Variants in CDK14 observed in about 807,000 individuals in gnomAD.
CDK14 encodes cyclin-dependent kinase 14.
Under a neutral mutation model 60.7 loss-of-function variants are expected in CDK14, and 34 were observed. The observed-to-expected ratio is 0.56, with a 90% CI of 0.43 to 0.75. CDK14 has a LOEUF of 0.75. CDK14 is among the 30% of genes least tolerant of loss of function. CDK14 has a pLI of 0.00. For missense variants in CDK14, 482 were observed against 564.1 expected, an observed-to-expected ratio of 0.85 and a Z score of 1.47; for synonymous variants, 197 against 203.7, an observed-to-expected ratio of 0.97 and a Z score of 0.28.
intron 9 of CDK14, among the ~76,000 whole-genome samples, chr7:90,978,961 T>G (rs1795151545): frequency 6.6e-6 from 1 of 152,176 alleles, no homozygotes; most frequent in Admixed American, 6.5e-5. Context: ...ATTATTGTGT[T>G]TTTTTGCAAG....
intron 2 of CDK14, among the ~76,000 whole-genome samples, chr7:90,606,853 T>C (rs563673108): frequency 2.0e-5 from 3 of 152,326 alleles, no homozygotes; most frequent in African/African-American, 7.2e-5. Context: ...TTTCTAGTTA[T>C]TTGGGCAGGT....
intron 12 of CDK14, among the ~76,000 whole-genome samples, chr7:91,097,666 G>A (rs528034638): frequency 2.0e-4 from 30 of 152,088 alleles, no homozygotes; most frequent in African/African-American, 3.9e-4. Context: ...CATTTGAGGC[G>A]TGTAATGGGC....
chr7:90,979,023 T>TA (rs1795153411), intron 9 of CDK14, among the ~76,000 whole-genome samples: 1 of 152,132 alleles, frequency 6.6e-6, no homozygotes, highest in African/African-American at 2.4e-5. Flanking sequence ...GGCCTGATGG[T>TA]AAAAAATGTA....
chr7:90,829,693 C>T (rs528632654), intron 5 of CDK14, among the ~76,000 whole-genome samples: 46 of 152,168 alleles, frequency 3.0e-4, no homozygotes, highest in African/African-American at 8.9e-4. Context: ...CCACCACAAC[C>T]GGCTAATTTT....
intron 2 of CDK14, among the ~76,000 whole-genome samples, chr7:90,664,074 A>T (rs1180011426): frequency 6.6e-6 from 1 of 152,250 alleles, no homozygotes; most frequent in Non-Finnish European, 1.5e-5. Context: ...AGAATCTGCA[A>T]AGAACTCAAA....
chr7:91,195,059 C>A (rs1481352461), intron 14 of CDK14, among the ~76,000 whole-genome samples: 3 of 152,190 alleles, frequency 2.0e-5, no homozygotes, highest in Non-Finnish European at 4.4e-5. Context: ...GCCACTAAAC[C>A]ACTGAGCTGT....
At chr7:90,757,274 T>TGTGTGTG (rs1804115312) in intron 4 of CDK14, among the ~76,000 whole-genome samples, 1 of 135,454 alleles carries the variant, frequency 7.4e-6, no homozygotes, top group African/African-American at 2.5e-5. Flanking sequence ...GTGTCCAAGT[T>TGTGTGTG]TTCCCTTTCT....
At chr7:90,626,488 T>C (rs1372038677) in intron 2 of CDK14, among the ~76,000 whole-genome samples, 6 of 152,242 alleles carry the variant, frequency 3.9e-5, no homozygotes, top group African/African-American at 1.4e-4. Context: ...TCTAGGATTA[T>C]CTGTGATTAT....
chr7:91,182,173 A>T (rs1436192918), intron 14 of CDK14, among the ~76,000 whole-genome samples: 2 of 152,132 alleles, frequency 1.3e-5, no homozygotes, highest in African/African-American at 4.8e-5. Flanking sequence ...TAGCCTCAGA[A>T]TGGCAATATG....
At chr7:91,162,343 A>G (rs1250695714) in intron 14 of CDK14, among the ~76,000 whole-genome samples, 1 of 152,220 alleles carries the variant, frequency 6.6e-6, no homozygotes, top group Non-Finnish European at 1.5e-5. Context: ...CTCTCCCAGA[A>G]GGCTTCATGG....
At chr7:90,664,234 A>G (rs13311114) in intron 2 of CDK14, among the ~76,000 whole-genome samples, 43,306 of 152,192 alleles carry the variant, frequency 0.28, 6,497 homozygotes, top group Non-Finnish European at 0.34. Flanking sequence ...CAAAACCACA[A>G]TGAGATTCCA....
intron 10 of CDK14, among the ~76,000 whole-genome samples, chr7:91,014,600 C>T (rs1162486673): frequency 6.6e-6 from 1 of 152,030 alleles, no homozygotes; most frequent in Non-Finnish European, 1.5e-5. Flanking sequence ...GTAGAGGTAG[C>T]AGTAGTATTA....
intron 12 of CDK14, among the ~76,000 whole-genome samples, chr7:91,093,610 T>C (rs1199896698): frequency 6.6e-6 from 1 of 152,184 alleles, no homozygotes; most frequent in African/African-American, 2.4e-5. Context: ...ACCTCACCAT[T>C]ATCTTATTTT....
chr7:90,924,743 C>T (rs1490736092), intron 8 of CDK14, among the ~76,000 whole-genome samples: 1 of 152,026 alleles, frequency 6.6e-6, no homozygotes, highest in Non-Finnish European at 1.5e-5. Flanking sequence ...TTGTTTCTCA[C>T]TTTAATACCA....
At chr7:91,047,790 G>A (rs2116036128) in intron 11 of CDK14, among the ~76,000 whole-genome samples, 1 of 152,280 alleles carries the variant, frequency 6.6e-6, no homozygotes, top group South Asian at 2.1e-4. Context: ...GAGTTTGCTT[G>A]AGAGGAGTCA....
chr7:90,719,576 A>G (rs550022772), intron 2 of CDK14, among the ~76,000 whole-genome samples: 1 of 152,238 alleles, frequency 6.6e-6, no homozygotes, highest in East Asian at 1.9e-4. Context: ...AACAATTTTT[A>G]CTCAGGTTTG....
chr7:90,991,555 C>T (rs538406728), intron 10 of CDK14, among the ~76,000 whole-genome samples: 3 of 152,200 alleles, frequency 2.0e-5, no homozygotes, highest in South Asian at 2.1e-4. Context: ...GTCTGTTCAG[C>T]GGGTAGGGGT....
At chr7:90,660,862 A>G (rs556817626) in intron 2 of CDK14, among the ~76,000 whole-genome samples, 2 of 152,144 alleles carry the variant, frequency 1.3e-5, no homozygotes, top group Admixed American at 6.6e-5. Flanking sequence ...TGGCCCTCCC[A>G]TGGAAATGCA....
At chr7:90,949,283 A>G (rs763111434) in intron 8 of CDK14, among the ~76,000 whole-genome samples, 26 of 152,140 alleles carry the variant, frequency 1.7e-4, no homozygotes, top group Admixed American at 6.6e-4. Flanking sequence ...GCTCACTGCA[A>G]CTGCACCTCC....
Sources: gnomAD v4.1 joint callset for allele counts (sites outside exome capture counted in the v4.1 genomes callset) on GRCh38, gnomAD v4.1.1 for gene constraint, MANE v1.5 for transcripts, NCBI Gene and HGNC (gene_info 2026-07-23, HGNC 2026-07-21) for gene names.